Variants in TTC7B observed in about 807,000 individuals in gnomAD.
The protein encoded by TTC7B is tetratricopeptide repeat domain 7B.
Under a neutral mutation model 106.8 loss-of-function variants are expected in TTC7B, and 28 were observed. The ratio of observed to expected loss-of-function variants is 0.26; its 90% confidence interval spans 0.19 to 0.36. The LOEUF is 0.36. TTC7B is among the 10% of genes least tolerant of loss of function. The pLI is 1.00. For synonymous variants in TTC7B, 405 were observed against 430.6 expected (o/e 0.94, Z 0.74); for missense variants, 862 against 1,076.4 (o/e 0.80, Z 2.79).
At chr14:90,579,963 T>C (rs1036928488) in intron 18 of TTC7B, among the ~76,000 whole-genome samples, 2 of 152,238 alleles carry the variant, frequency 1.3e-5, no homozygotes, top group Non-Finnish European at 2.9e-5. Context: ...GAGCCTGTCC[T>C]CCACAGCTGC....
chr14:90,544,020 C>A (rs761493665), intron 19 of TTC7B, among the ~76,000 whole-genome samples: 1 of 152,184 alleles, frequency 6.6e-6, no homozygotes, highest in Non-Finnish European at 1.5e-5. Flanking sequence ...AGGAGGAGCA[C>A]GTGGTTGGGG....
chr14:90,754,140 T>C (rs1018615473), intron 3 of TTC7B, among the ~76,000 whole-genome samples: 1 of 152,126 alleles, frequency 6.6e-6, no homozygotes, highest in Non-Finnish European at 1.5e-5. Flanking sequence ...TTTACTAAAA[T>C]CTCCACATTG....
At chr14:90,804,706 G>A (rs1322222779) in intron 1 of TTC7B, among the ~76,000 whole-genome samples, 1 of 152,228 alleles carries the variant, frequency 6.6e-6, no homozygotes, top group Admixed American at 6.5e-5. Flanking sequence ...AGCATTTACT[G>A]CGGGTCCCAG....
intron 5 of TTC7B, among the ~76,000 whole-genome samples, chr14:90,728,306 T>C (rs988968293): frequency 1.8e-4 from 20 of 112,796 alleles, no homozygotes; most frequent in Non-Finnish European, 2.8e-4. Context: ...AAGACCAGCC[T>C]GGGCAACATA....
intron 4 of TTC7B, among the ~76,000 whole-genome samples, chr14:90,739,041 A>G (rs1453170667): frequency 6.6e-6 from 1 of 152,146 alleles, no homozygotes; most frequent in Non-Finnish European, 1.5e-5. Context: ...CAACAAAAAA[A>G]CACAGACAGG....
At chr14:90,770,508 T>G (rs1207610804) in intron 3 of TTC7B, among the ~76,000 whole-genome samples, 2 of 151,964 alleles carry the variant, frequency 1.3e-5, no homozygotes, top group African/African-American at 4.8e-5. Context: ...AATACAAAAT[T>G]AGCTGGGCGT....
At chr14:90,783,959 AT>A (rs1446273240) in intron 2 of TTC7B, among the ~76,000 whole-genome samples, 4 of 152,044 alleles carry the variant, frequency 2.6e-5, no homozygotes, top group Non-Finnish European at 5.9e-5. Flanking sequence ...AATAAATTCA[AT>A]GGGCTTACTA....
At chr14:90,609,252 C>G (rs540807729) in intron 17 of TTC7B, among the ~76,000 whole-genome samples, 1 of 152,352 alleles carries the variant, frequency 6.6e-6, no homozygotes, top group East Asian at 1.9e-4. Context: ...CTCCATGGCT[C>G]AGTCCACATT....
chr14:90,814,303 AC>A (rs1239820926), intron 1 of TTC7B, among the ~76,000 whole-genome samples: 1 of 152,222 alleles, frequency 6.6e-6, no homozygotes, highest in African/African-American at 2.4e-5. Context: ...CATTCCAGGG[AC>A]CATCATAGCT....
intron 18 of TTC7B, among the ~76,000 whole-genome samples, chr14:90,589,829 T>C (rs1891877501): frequency 6.6e-6 from 1 of 152,222 alleles, no homozygotes; most frequent in Admixed American, 6.5e-5. Context: ...ATGGCACAAA[T>C]TGCCATAATA....
At chr14:90,599,411 C>T (rs868767776) in intron 17 of TTC7B, among the ~76,000 whole-genome samples, 1 of 152,248 alleles carries the variant, frequency 6.6e-6, no homozygotes, top group South Asian at 2.1e-4. Context: ...GGTGACTTGG[C>T]GAGCATTCCA....
chr14:90,581,326 T>C (rs1470249187), intron 18 of TTC7B, among the ~76,000 whole-genome samples: 1 of 152,170 alleles, frequency 6.6e-6, no homozygotes, highest in Non-Finnish European at 1.5e-5. Context: ...CACAGGGGAC[T>C]CTATAGGGAC....
rs56838673 is a variant in TTC7B, at chr14:90,595,969, G to A, written c.1967-2343C>T. On this transcript the variant is annotated intron_variant, in intron 17 of 19. Transcript: ENST00000328459. Reference sequence around the variant, plus strand: ...GCACAAGCGTCACCTGGGGAACAGAGTTCCAGGAAGATCTTGTTCTCTAGA... The same window carrying A: ...GCACAAGCGTCACCTGGGGAACAGAATTCCAGGAAGATCTTGTTCTCTAGA... Among the ~76,000 whole-genome samples, 2 of 152,146 alleles carry A rather than the reference G, an allele frequency of 1.3e-5. 1 individual carries two copies. The highest frequency in any genetic ancestry group is 4.1e-4 in the South Asian group (2 of 4,822).
chr14:90,733,660 C>A (rs1023778267), intron 4 of TTC7B, among the ~76,000 whole-genome samples: 1 of 152,178 alleles, frequency 6.6e-6, no homozygotes, highest in Non-Finnish European at 1.5e-5. Context: ...CCTTAACAAG[C>A]GCAGCTGGCT....
intron 6 of TTC7B, among the ~76,000 whole-genome samples, chr14:90,695,196 A>AAAACAT (rs1566840885): frequency 3.9e-3 from 28 of 7,266 alleles, no homozygotes; most frequent in Admixed American, 0.01. Flanking sequence ...TATACATTTT[A>AAAACAT]GTATAAAACA....
At chr14:90,581,625 C>T (rs1482868581) in intron 18 of TTC7B, among the ~76,000 whole-genome samples, 1 of 152,084 alleles carries the variant, frequency 6.6e-6, no homozygotes, top group Non-Finnish European at 1.5e-5. Context: ...CCTGGAGATG[C>T]TGTGGGCTGG....
intron 5 of TTC7B, among the ~76,000 whole-genome samples, chr14:90,713,607 C>T (rs185437539): frequency 2.0e-5 from 3 of 152,082 alleles, no homozygotes; most frequent in South Asian, 2.1e-4. Flanking sequence ...CCGGCAGGAA[C>T]GTAAAATGGT....
At chr14:90,601,363 G>A (rs1892416675) in intron 17 of TTC7B, among the ~76,000 whole-genome samples, 1 of 152,110 alleles carries the variant, frequency 6.6e-6, no homozygotes, top group African/African-American at 2.4e-5. Flanking sequence ...GTTAGAAAAT[G>A]CAGCTCAATA....
At chr14:90,799,176 C>A (rs1372970681) in intron 1 of TTC7B, among the ~76,000 whole-genome samples, 1 of 152,178 alleles carries the variant, frequency 6.6e-6, no homozygotes, top group Non-Finnish European at 1.5e-5. Flanking sequence ...CTGACTCACC[C>A]AAGGGTGCTT....
Sources: allele counts gnomAD v4.1 joint callset (sites outside exome capture counted in the v4.1 genomes callset), GRCh38; gene constraint gnomAD v4.1.1; transcripts MANE v1.5; gene names NCBI Gene and HGNC (gene_info 2026-07-23, HGNC 2026-07-21).